RABGAP1L: variants seen among roughly 807,000 people sequenced by gnomAD.
RABGAP1L encodes rab GTPase-activating protein 1-like.
Under a neutral mutation model 137.7 loss-of-function variants are expected in RABGAP1L, and 63 were observed. The ratio of observed to expected loss-of-function variants is 0.46; its 90% CI spans 0.37 to 0.56. The LOEUF (loss-of-function observed/expected upper bound fraction) is 0.56. Ranked by LOEUF, RABGAP1L falls within the 20% of genes least tolerant of loss-of-function variation. The pLI is 0.00. For synonymous variants in RABGAP1L, 431 were observed against 433.7 expected (o/e 0.99, Z 0.08); for missense variants, 1,095 against 1,244.0 (o/e 0.88, Z 1.80).
chr1:174,327,812 C>A (rs79842710), intron 11 of RABGAP1L, among the ~76,000 whole-genome samples: 7 of 150,254 alleles, frequency 4.7e-5, no homozygotes, highest in East Asian at 3.9e-4. Flanking sequence ...AGGTATTCCA[C>A]GCAAATATAA....
At chr1:174,177,420 T>C (rs1665978183) in intron 1 of RABGAP1L, among the ~76,000 whole-genome samples, 1 of 152,184 alleles carries the variant, frequency 6.6e-6, no homozygotes, top group South Asian at 2.1e-4. Flanking sequence ...TTTTCTCCCG[T>C]TCTGTAGGTT....
intron 14 of RABGAP1L, among the ~76,000 whole-genome samples, chr1:174,642,781 C>CCTCTCCTCTT (rs1190157651): frequency 2.2e-5 from 3 of 136,242 alleles, no homozygotes; most frequent in East Asian, 2.2e-4. Context: ...CTCCCCCTCT[C>CCTCTCCTCTT]CTCTCCTCTT....
chr1:174,796,160 T>C (rs1204643583), intron 18 of RABGAP1L, among the ~76,000 whole-genome samples: 2 of 152,206 alleles, frequency 1.3e-5, no homozygotes, highest in African/African-American at 4.8e-5. Context: ...TGGACTACTT[T>C]ATAACTCAGA....
chr1:174,927,254 A>G (rs1041366135), intron 19 of RABGAP1L, among the ~76,000 whole-genome samples: 30 of 152,210 alleles, frequency 2.0e-4, no homozygotes, highest in African/African-American at 7.2e-4. Context: ...TAATTTGCCA[A>G]GATTTTTAAT....
intron 1 of RABGAP1L, among the ~76,000 whole-genome samples, chr1:174,164,273 C>G (rs918774838): frequency 3.3e-5 from 5 of 151,972 alleles, no homozygotes; most frequent in African/African-American, 1.2e-4. Flanking sequence ...GTTTGTTACT[C>G]CCATTTTTGA....
At chr1:174,530,886 AT>A (rs898950547) in intron 13 of RABGAP1L, among the ~76,000 whole-genome samples, 102 of 151,560 alleles carry the variant, frequency 6.7e-4, no homozygotes, top group Non-Finnish European at 1.4e-3. Flanking sequence ...AGCTTGTGGA[AT>A]TTTTTTTTAA....
intron 13 of RABGAP1L, among the ~76,000 whole-genome samples, chr1:174,395,801 A>G (rs573482854): frequency 2.0e-5 from 3 of 150,946 alleles, no homozygotes; most frequent in Admixed American, 1.3e-4. Flanking sequence ...ACTAGCCACT[A>G]CACTTTGGCT....
At chr1:174,317,922 A>G (rs1679542715) in intron 11 of RABGAP1L, among the ~76,000 whole-genome samples, 1 of 152,052 alleles carries the variant, frequency 6.6e-6, no homozygotes, top group South Asian at 2.1e-4. Context: ...CTCTAACAGG[A>G]CAGCACTAAG....
intron 1 of RABGAP1L, among the ~76,000 whole-genome samples, chr1:174,184,695 T>C (rs1001961453): frequency 6.6e-6 from 1 of 152,190 alleles, no homozygotes; most frequent in Admixed American, 6.5e-5. Context: ...TATTTGCAGG[T>C]TGATCTTTGC....
intron 13 of RABGAP1L, among the ~76,000 whole-genome samples, chr1:174,437,606 A>G (rs1290081826): frequency 1.3e-5 from 2 of 152,238 alleles, no homozygotes; most frequent in African/African-American, 4.8e-5. Flanking sequence ...GTGTACCTGA[A>G]AGTGACGGGG....
chr1:174,327,020 G>A (rs773155961), intron 11 of RABGAP1L, among the ~76,000 whole-genome samples: 2 of 152,114 alleles, frequency 1.3e-5, no homozygotes, highest in Non-Finnish European at 2.9e-5. Context: ...CAAAAGCTGA[G>A]GGAATTCCCT....
intron 19 of RABGAP1L, 30 bp from the exon 20 acceptor site, chr1:174,957,427 T>A: frequency 6.4e-7 from 1 of 1,556,668 alleles, no homozygotes; most frequent in Non-Finnish European, 8.9e-7. Context: ...GGTGTCCTTG[T>A]CTAACATGGT....
intron 11 of RABGAP1L, among the ~76,000 whole-genome samples, chr1:174,324,082 G>A (rs140455011): frequency 0.015 from 2,224 of 152,206 alleles, 29 homozygotes; most frequent in Non-Finnish European, 0.025. Flanking sequence ...AACATCAACT[G>A]CTAGGATCTT....
chr1:174,699,681 A>G (rs770568844), intron 16 of RABGAP1L, 31 bp downstream of exon 16: 1 of 1,566,236 alleles, frequency 6.4e-7, no homozygotes, highest in South Asian at 1.1e-5. Flanking sequence ...TTTATCACTC[A>G]GGGATTTGTT....
Position 174,978,890 on chromosome 1 carries a change from G to T in RABGAP1L, c.2733G>T (p.Gln911His). 6.6e-7 allele frequency: 1 copy of T among 1,513,376 alleles called. No individual in the cohort carries two copies. Among genetic ancestry groups the T allele is most frequent in the Non-Finnish European group, 8.8e-7 (1 of 1,132,766 alleles). 93.7% of individuals were successfully genotyped at this position (1,513,376 alleles called of 1,614,324 possible). The change falls in exon 23 of 26, where the codon CAG becomes CAT. Residue 911 changes from glutamine to histidine, a missense_variant and splice_region_variant. This residue lies in a region of RABGAP1L where 312 missense variants were observed against 435.6 expected (regional missense o/e 0.72). Coordinates refer to ENST00000681986, the MANE Select transcript of RABGAP1L (RefSeq NM_001366446.1). ...CAGCTATCATTGCTGAGTATAAACA[G>T]GTAATGTACTTCTGTGGCACATAGA... Reference protein sequence around the residue: ...KTTAIIAEYKQICSQLSTRLE... With the variant: ...KTTAIIAEYKHICSQLSTRLE...
At chr1:174,179,544 GCACACA>G (rs56839600) in intron 1 of RABGAP1L, among the ~76,000 whole-genome samples, 33,362 of 147,110 alleles carry the variant, frequency 0.23, 3,979 homozygotes, top group Non-Finnish European at 0.27. Flanking sequence ...CTTAGCACGT[GCACACA>G]CACACACACA....
chr1:174,453,838 AG>A (rs1655721500), intron 13 of RABGAP1L, among the ~76,000 whole-genome samples: 1 of 152,212 alleles, frequency 6.6e-6, no homozygotes, highest in Non-Finnish European at 1.5e-5. Flanking sequence ...TTTTTTCAAT[AG>A]TAAAAGTGTT....
intron 13 of RABGAP1L, among the ~76,000 whole-genome samples, chr1:174,434,676 G>A (rs1653051226): frequency 6.6e-6 from 1 of 152,180 alleles, no homozygotes. Flanking sequence ...GTATATATTG[G>A]TATCTCATTG....
intron 3 of RABGAP1L, among the ~76,000 whole-genome samples, chr1:174,229,363 T>C (rs1670444382): frequency 6.6e-6 from 1 of 152,224 alleles, no homozygotes; most frequent in Non-Finnish European, 1.5e-5. Context: ...ACAGTATCTT[T>C]AGTATAGTTT....
Sources: gnomAD v4.1 joint callset for allele counts (sites outside exome capture counted in the v4.1 genomes callset) on GRCh38, gnomAD v4.1.1 for gene constraint, gnomAD v4.1.1 regional missense constraint, MANE v1.5 for transcripts, NCBI Gene and HGNC (gene_info 2026-07-23, HGNC 2026-07-21) for gene names.